CLDN14: variants seen among roughly 807,000 people sequenced by gnomAD.
CLDN14 encodes claudin 14.
CLDN14 carries 2 observed loss-of-function variants against 2.1 expected under a neutral mutation model. The ratio of observed to expected loss-of-function variants is 0.96; its 90% CI spans 0.39 to 3.01. CLDN14 has a LOEUF of 3.01. Ranked by LOEUF, CLDN14 falls within the 30% of genes most tolerant of loss-of-function variation. The pLI is 0.09. For missense variants in CLDN14, 298 were observed against 328.0 expected (o/e 0.91, Z 0.71); for synonymous variants, 136 against 154.4 (o/e 0.88, Z 0.88).
intron 1 of CLDN14, among the ~76,000 whole-genome samples, chr21:36,554,135 T>C (rs1351527320): frequency 6.6e-6 from 1 of 152,176 alleles, no homozygotes; most frequent in Non-Finnish European, 1.5e-5. Flanking sequence ...ACAAACTGGA[T>C]GTGTCTGCCT....
intron 1 of CLDN14, among the ~76,000 whole-genome samples, chr21:36,521,726 C>A (rs998393368): frequency 6.6e-6 from 1 of 152,140 alleles, no homozygotes; most frequent in Admixed American, 6.5e-5. Flanking sequence ...CTGGAGAAGG[C>A]AAATGGTACC....
In CLDN14 at chr21:36,480,047, C is replaced by T. The variant is rs886057056; in HGVS notation, c.-634G>A. On this transcript the variant is annotated 5_prime_UTR_variant, in exon 1 of 2. It adds an upstream start codon to the 5' untranslated region. Transcript: ENST00000399135. ...CTCATTCCCTCCTGCGCCCTGACCA[C>T]CTGCCCACAGCGACTGTGTCCTCCT... 25 of 152,520 alleles carry T rather than the reference C, an allele frequency of 1.6e-4. No homozygotes were observed. The highest frequency in any genetic ancestry group is 5.8e-4 in the African/African-American group (24 of 41,464). 9.4% of individuals were successfully genotyped at this position (152,520 alleles called of 1,614,324 possible).
At chr21:36,570,641 ATAAAT>A (rs959314427) in intron 1 of CLDN14, among the ~76,000 whole-genome samples, 4 of 152,246 alleles carry the variant, frequency 2.6e-5, no homozygotes, top group South Asian at 2.1e-4. Flanking sequence ...GACATATATA[ATAAAT>A]TAAAACAAAC....
intron 2 of CLDN14, among the ~76,000 whole-genome samples, chr21:36,489,002 C>T (rs1352295157): frequency 6.6e-6 from 1 of 150,712 alleles, no homozygotes; most frequent in Non-Finnish European, 1.5e-5. Flanking sequence ...CCCAGCTACT[C>T]AGGAGGCTGA....
chr21:36,557,234 T>C (rs2087604898), intron 1 of CLDN14, among the ~76,000 whole-genome samples: 1 of 152,246 alleles, frequency 6.6e-6, no homozygotes, highest in Admixed American at 6.5e-5. Flanking sequence ...TTATTGTGAA[T>C]AATGCTGTAA....
upstream of CLDN14, among the ~76,000 whole-genome samples, chr21:36,483,224 C>A (rs1379376498): frequency 1.3e-5 from 2 of 152,240 alleles, no homozygotes. Context: ...AGCATCAGCT[C>A]CTTGCACGGC....
At chr21:36,515,029 C>G (rs2087216758) in intron 1 of CLDN14, among the ~76,000 whole-genome samples, 1 of 152,126 alleles carries the variant, frequency 6.6e-6, no homozygotes, top group Non-Finnish European at 1.5e-5. Flanking sequence ...GTTAGGATAG[C>G]CTGTATCAAA....
intron 2 of CLDN14, among the ~76,000 whole-genome samples, chr21:36,492,250 A>G (rs1019995845): frequency 7.6e-6 from 1 of 130,900 alleles, no homozygotes; most frequent in African/African-American, 3.3e-5. Context: ...CTGGCTAACA[A>G]GGTGAAACCC....
chr21:36,565,343 C>G (rs1424568935), intron 1 of CLDN14, among the ~76,000 whole-genome samples: 1 of 152,168 alleles, frequency 6.6e-6, no homozygotes, highest in Non-Finnish European at 1.5e-5. Flanking sequence ...ATTGCTGTCT[C>G]AAACACCAGA....
intron 1 of CLDN14, among the ~76,000 whole-genome samples, chr21:36,515,672 C>CAAAAAAAAAAAAAAAAAAAA (rs112275304): frequency 1.2e-5 from 1 of 85,256 alleles, no homozygotes; most frequent in East Asian, 4.1e-4. Flanking sequence ...GTCTCCATCT[C>CAAAAAAAAAAAAAAAAAAAA]AAAAAAAAAA....
In CLDN14 at chr21:36,535,761, G is replaced by A. The variant is rs1009191898; in HGVS notation, c.-219-25261C>T. Among the ~76,000 whole-genome samples, 6 of 152,118 alleles carry A rather than the reference G, an allele frequency of 3.9e-5. No homozygotes were observed. In the East Asian group the frequency reaches 1.2e-3, roughly 29 times the overall value. ...TTTTTCTCTGTGGCCAACAATTTCT[G>A]TAACGTCATGTATAAGCAACTGAAA... On this transcript the variant is annotated intron_variant, in intron 1 of 2. Coordinates refer to the CLDN14 transcript ENST00000342108.
At position 36,551,060 on chromosome 21, in the gene CLDN14, T is replaced by C. The variant is rs1366592250; in HGVS notation, c.-220+25351A>G. Reference sequence around the variant, plus strand: ...ACAGCTGTGAGCCAAGGCCAAGGAATGGTGTGGCCAGCCGGCAGCCACCAG... The same window carrying C: ...ACAGCTGTGAGCCAAGGCCAAGGAACGGTGTGGCCAGCCGGCAGCCACCAG... On this transcript the variant is annotated intron_variant, in intron 1 of 2. Transcript: ENST00000342108. The surrounding 1 kb of genome is among the most constrained non-coding windows in gnomAD (Gnocchi z 4.8). 6.6e-6 allele frequency among the ~76,000 whole-genome samples: 1 copy of C among 152,078 alleles called. No homozygotes were observed. Among genetic ancestry groups the C allele is most frequent in the Non-Finnish European group, 1.5e-5 (1 of 68,008 alleles).
At position 36,518,299 on chromosome 21, in the gene CLDN14, TA is replaced by T. The variant is rs1319567206; in HGVS notation, c.-219-7800del. 2.0e-5 allele frequency among the ~76,000 whole-genome samples: 3 copies of T among 152,120 alleles called. No individual in the cohort carries two copies. The East Asian group carries it at 5.8e-4, about 29-fold the overall frequency. ...TTGCAAATTTCATCTCATCAAATGC[TA>T]AAAAAAGTTCATACTTCTGGCCGGG... On this transcript the variant is annotated intron_variant, in intron 1 of 2. Transcript: ENST00000342108.
At position 36,499,916 on chromosome 21, in the gene CLDN14, C is replaced by T. The variant is rs369224232; in HGVS notation, c.-82+10447G>A. Among the ~76,000 whole-genome samples the T allele has an allele frequency of 6.6e-6, 1 of 152,084 alleles. No individual in the cohort carries two copies. The highest frequency in any genetic ancestry group is 1.5e-5 in the Non-Finnish European group (1 of 68,018). ...AATCGGGGGGTCTCCGGAGCAACCCCGGGAGCAGTACTGGGCCCAGAAGCC... is the reference window on the plus strand; with the variant it reads ...AATCGGGGGGTCTCCGGAGCAACCCTGGGAGCAGTACTGGGCCCAGAAGCC... On this transcript the variant is annotated intron_variant, in intron 2 of 2. Coordinates refer to the CLDN14 transcript ENST00000342108. The surrounding 1 kb of genome is among the most constrained non-coding windows in gnomAD (Gnocchi z 4.7).
chr21:36,461,113 GGTAGGGCCT>G lies in CLDN14; in HGVS notation c.574_582del (p.Arg192_Tyr194del). 6.2e-7 allele frequency: 1 copy of G among 1,614,170 alleles called. No individual in the cohort carries two copies. Among genetic ancestry groups the G allele is most frequent in the Non-Finnish European group, 8.5e-7 (1 of 1,179,998 alleles). On this transcript the variant is annotated inframe_deletion, in exon 2 of 2. Coordinates refer to ENST00000399135, the MANE Select transcript of CLDN14 (RefSeq NM_001146079.2). ...GTCGTGGTGGCCCTGGGCGGGGCCT[GGTAGGGCCT>G]GTAGGGTGCCTCGTCCTGGCAGGAC...
chr21:36,507,193 C>G (rs1039103125), intron 2 of CLDN14, among the ~76,000 whole-genome samples: 12 of 151,844 alleles, frequency 7.9e-5, no homozygotes, highest in African/African-American at 2.7e-4. Flanking sequence ...CTGACACAAG[C>G]GGCTGCACAA....
intron 1 of CLDN14, among the ~76,000 whole-genome samples, chr21:36,552,240 G>A (rs569209839): frequency 3.3e-5 from 5 of 152,134 alleles, no homozygotes; most frequent in Non-Finnish European, 7.4e-5. Flanking sequence ...TTTTCTCAGC[G>A]GCAAAATATC....
At chr21:36,472,847 C>T (rs1312347900) in intron 1 of CLDN14, among the ~76,000 whole-genome samples, 1 of 152,180 alleles carries the variant, frequency 6.6e-6, no homozygotes, top group Non-Finnish European at 1.5e-5. Context: ...GGCACCCACC[C>T]TCATGACCTC....
intron 1 of CLDN14, among the ~76,000 whole-genome samples, chr21:36,530,765 G>A (rs930590325): frequency 1.3e-5 from 2 of 152,146 alleles, no homozygotes; most frequent in Non-Finnish European, 2.9e-5. Flanking sequence ...TGTTTCAGAT[G>A]TACCCGGGGG....
Sources: allele counts gnomAD v4.1 joint callset (sites outside exome capture counted in the v4.1 genomes callset), GRCh38; gene constraint gnomAD v4.1.1; non-coding constraint Gnocchi (gnomAD v3.1); transcripts MANE v1.5; gene names NCBI Gene and HGNC (gene_info 2026-07-23, HGNC 2026-07-21).